Variants in POLR3A observed in about 807,000 individuals in gnomAD.
POLR3A encodes the protein DNA-directed RNA polymerase III subunit RPC1.
Under a neutral mutation model 152.8 loss-of-function variants are expected in POLR3A, and 112 were observed. The observed-to-expected ratio is 0.73, with a 90% CI of 0.63 to 0.86. The LOEUF (loss-of-function observed/expected upper bound fraction) is 0.86. Ranked by LOEUF, POLR3A falls within the 40% of genes least tolerant of loss-of-function variation. The pLI, the probability that POLR3A is intolerant of heterozygous loss-of-function variation, is 0.00. For synonymous variants in POLR3A, 615 were observed against 652.1 expected, an observed-to-expected ratio of 0.94 and a Z score of 0.87; for missense variants, 1,385 against 1,743.1, an observed-to-expected ratio of 0.79 and a Z score of 3.66.
chr10:78,025,741 G>A lies in POLR3A; in HGVS notation c.199C>T (p.Arg67Cys), dbSNP rs749772283. 2.5e-6 allele frequency: 4 copies of A among 1,613,788 alleles called. No homozygotes were observed. The highest frequency in any genetic ancestry group is 2.7e-5 in the African/African-American group (2 of 74,878). Residue 67 changes from arginine to cysteine, a missense_variant, in exon 3 of 31, where the codon CGT (arginine) becomes TGT (cysteine). By Grantham distance (180) the Arg-to-Cys change is radical. Transcript: ENST00000372371. Reference sequence around the variant, plus strand: ...TTTTTCCCACAGGTTTCACATGGACGATCCTTCTCACTCGTACCCTTTGAA... The same window carrying A: ...TTTTTCCCACAGGTTTCACATGGACAATCCTTCTCACTCGTACCCTTTGAA... ...DHRMGTSEKDRPCETCGKNLA... is the reference protein window; with the variant it reads ...DHRMGTSEKDCPCETCGKNLA...
intron 10 of POLR3A, among the ~76,000 whole-genome samples, chr10:78,015,572 C>A (rs1474352090): frequency 6.6e-6 from 1 of 152,156 alleles, no homozygotes; most frequent in African/African-American, 2.4e-5. Flanking sequence ...AAGTGATACA[C>A]CTTGGCCTCC....
At chr10:77,978,683 C>A (rs1473908739) in intron 30 of POLR3A, among the ~76,000 whole-genome samples, 1 of 141,324 alleles carries the variant, frequency 7.1e-6, no homozygotes, top group East Asian at 2.1e-4. Flanking sequence ...TTTTTTGAGA[C>A]GGAGTCCTGC....
intron 8 of POLR3A, 97 bp from the exon 9 acceptor site, chr10:78,019,362 A>T: frequency 2.2e-6 from 2 of 912,534 alleles, no homozygotes; most frequent in Non-Finnish European, 3.6e-6. Context: ...CCTTGTTCAG[A>T]TTCTAGGAGA....
intron 11 of POLR3A, among the ~76,000 whole-genome samples, chr10:78,011,020 A>AT (rs924698280): frequency 6.6e-5 from 10 of 151,682 alleles, no homozygotes; most frequent in African/African-American, 1.9e-4. Flanking sequence ...AAGTTTTTGC[A>AT]TTTTTTTTGT....
rs1847085511 is a variant in POLR3A, at chr10:77,976,030, T to TTAATAGGTCTCTTGGTGTTTCC, written c.*1447_*1448insGGAAACACCAAGAGACCTATTA. On this transcript the variant is annotated 3_prime_UTR_variant, in exon 31 of 31. Coordinates refer to ENST00000372371, the MANE Select transcript of POLR3A (RefSeq NM_007055.4). ...TGGCATTTTTTTTCCACATCACTGA[T>TTAATAGGTCTCTTGGTGTTTCC]ACCCCAAGAGAAGTTAATAGGTCTA... 2 of 152,168 alleles carry TTAATAGGTCTCTTGGTGTTTCC rather than the reference T, an allele frequency of 1.3e-5. No individual in the cohort carries two copies. The highest frequency in any genetic ancestry group is 4.1e-4 in the South Asian group (2 of 4,820). 9.4% of individuals were successfully genotyped at this position (152,168 alleles called of 1,614,324 possible). A position where few individuals can be genotyped will look rare whatever the true frequency, so the allele number is the denominator to read the frequency against.
chr10:78,025,820 C>CCAT (rs1478594811), intron 2 of POLR3A, 61 bp from the exon 3 acceptor site: 1 of 1,494,274 alleles, frequency 6.7e-7, no homozygotes, highest in Non-Finnish European at 9.3e-7. Context: ...GAGTGCCCAG[C>CCAT]CATCATGCCT....
intron 26 of POLR3A, 109 bp from the exon 27 acceptor site, chr10:77,982,926 C>G: frequency 2.3e-6 from 2 of 851,704 alleles, no homozygotes; most frequent in Non-Finnish European, 4.0e-6. Flanking sequence ...TAAGCACCCC[C>G]CACCCGCACC....
At chr10:78,003,720 C>T (rs375041266) in intron 16 of POLR3A, among the ~76,000 whole-genome samples, 1 of 151,758 alleles carries the variant, frequency 6.6e-6, no homozygotes, top group Admixed American at 6.6e-5. Context: ...GTCAGGAGTT[C>T]GAGACCAGGC....
At chr10:77,999,570 G>C (rs1364886095) in intron 19 of POLR3A, among the ~76,000 whole-genome samples, 1 of 152,154 alleles carries the variant, frequency 6.6e-6, no homozygotes, top group Non-Finnish European at 1.5e-5. Flanking sequence ...GCAAGCACTG[G>C]AATAGGTCAT....
intron 15 of POLR3A, among the ~76,000 whole-genome samples, chr10:78,006,395 C>CAAAAAA (rs36050560): frequency 1.4e-3 from 31 of 21,938 alleles, no homozygotes; most frequent in East Asian, 3.0e-3. Context: ...GACTCTGTCT[C>CAAAAAA]AAAAAAAAAA....
Position 78,021,605 on chromosome 10 carries a change from G to A in POLR3A, c.1126C>T (p.Arg376Trp), listed in dbSNP as rs751197345. 3.1e-6 allele frequency: 5 copies of A among 1,614,072 alleles called. No individual in the cohort carries two copies. In the East Asian group the frequency reaches 6.7e-5, roughly 22 times the overall value. The part of the protein sequence containing the change: ...RTVISPDPNL[R>W]IDEVAVPVHV... ...ACTGGCACAGCTACCTCATCAATCC[G>A]GAGGTTGGGGTCGGGCGAGATGACT... Residue 376 changes from arginine to tryptophan, a missense_variant, in exon 8 of 31, where the codon CGG (arginine) becomes TGG (tryptophan). Physicochemically the swap from Arg to Trp is moderately radical, Grantham distance 101. This residue lies in a region of POLR3A where 493 missense variants were observed against 647.5 expected (regional missense o/e 0.76). Coordinates refer to ENST00000372371, the MANE Select transcript of POLR3A (RefSeq NM_007055.4).
intron 24 of POLR3A, 111 bp from the exon 25 acceptor site, chr10:77,984,409 C>A: frequency 1.4e-6 from 1 of 738,970 alleles, no homozygotes; most frequent in Admixed American, 1.9e-5. Context: ...ACTAGCAACC[C>A]CAGTTTACTG....
At chr10:78,003,133 TTACAAACTAGG>T (rs1241120532) in intron 16 of POLR3A, among the ~76,000 whole-genome samples, 2 of 152,188 alleles carry the variant, frequency 1.3e-5, no homozygotes, top group Non-Finnish European at 2.9e-5. Context: ...ACTCCTCAAC[TTACAAACTAGG>T]ATGCTGAATC....
chr10:77,997,828 A>G (rs1364443912), intron 19 of POLR3A, among the ~76,000 whole-genome samples: 2 of 151,952 alleles, frequency 1.3e-5, no homozygotes, highest in Admixed American at 6.5e-5. Flanking sequence ...GGAACCAAAA[A>G]AGAGCCCACA....
intron 27 of POLR3A, 42 bp downstream of exon 27, chr10:77,982,611 A>G (rs1436271043): frequency 6.3e-7 from 1 of 1,588,760 alleles, no homozygotes; most frequent in African/African-American, 1.3e-5. Context: ...GTCACACCAC[A>G]GGGAGATGCT....
At chr10:78,028,171 A>G (rs1166841089) in intron 1 of POLR3A, among the ~76,000 whole-genome samples, 3 of 152,126 alleles carry the variant, frequency 2.0e-5, no homozygotes, top group African/African-American at 7.2e-5. Flanking sequence ...TTATCAAGAT[A>G]CTCTCCTGTT....
At position 77,990,277 on chromosome 10, in the gene POLR3A, T is replaced by C. The variant is rs148674649; in HGVS notation, c.2901+777A>G. ...TCAAAGTAACAGCTCCCTGGAAGAA[T>C]AGAAAAGGCTGATTCAATGGATTTT... On this transcript the variant is annotated intron_variant, in intron 21 of 30. Coordinates refer to ENST00000372371, the MANE Select transcript of POLR3A (RefSeq NM_007055.4). 3.7e-3 allele frequency among the ~76,000 whole-genome samples: 562 copies of C among 150,676 alleles called. 5 individuals carry two copies. Among genetic ancestry groups the C allele is most frequent in the African/African-American group, 0.013 (543 of 41,190 alleles).
At chr10:77,981,868 C>CAAAAAAA (rs60259976) in intron 28 of POLR3A, among the ~76,000 whole-genome samples, 2 of 63,844 alleles carry the variant, frequency 3.1e-5, no homozygotes, top group Non-Finnish European at 5.9e-5. Context: ...ACTAAAAATA[C>CAAAAAAA]AAAAAAAAAA....
chr10:77,985,141 TG>T, intron 24 of POLR3A, 28 bp downstream of exon 24: 1 of 1,586,104 alleles, frequency 6.3e-7, no homozygotes, highest in South Asian at 1.1e-5. Context: ...CAGGCATGTG[TG>T]GAACAAGAAG....
Sources: allele counts gnomAD v4.1 joint callset (sites outside exome capture counted in the v4.1 genomes callset), GRCh38; gene constraint gnomAD v4.1.1; regional missense constraint gnomAD v4.1.1; transcripts MANE v1.5; gene names NCBI Gene and HGNC (gene_info 2026-07-23, HGNC 2026-07-21).